The following TTC28 variants were observed in gnomAD, a reference collection of about 807,000 sequenced individuals.
The protein encoded by TTC28 is tetratricopeptide repeat protein 28.
Under a neutral mutation model 198.0 loss-of-function variants are expected in TTC28, and 61 were observed. That is an observed-to-expected ratio of 0.31 (90% CI 0.25 to 0.38). The LOEUF (loss-of-function observed/expected upper bound fraction) is 0.38. TTC28 is among the 10% of genes least tolerant of loss of function. The pLI is 1.00. For missense variants in TTC28, 2,678 were observed against 3,164.0 expected (o/e 0.85, Z 3.69); for synonymous variants, 1,171 against 1,297.8 (o/e 0.90, Z 2.10).
intron 1 of TTC28, among the ~76,000 whole-genome samples, chr22:28,653,380 G>A (rs1316351030): frequency 2.6e-5 from 4 of 151,956 alleles, no homozygotes; most frequent in Non-Finnish European, 5.9e-5. Context: ...GTGTGAGTCC[G>A]TAGTCCCAGC....
chr22:28,631,221 CT>C (rs890047479), intron 1 of TTC28, among the ~76,000 whole-genome samples: 2 of 152,148 alleles, frequency 1.3e-5, no homozygotes, highest in African/African-American at 4.8e-5. Flanking sequence ...TTTTAATTTT[CT>C]TAAACTTATG....
chr22:28,437,594 G>GT (rs1555875782), intron 2 of TTC28, among the ~76,000 whole-genome samples: 3 of 151,482 alleles, frequency 2.0e-5, no homozygotes, highest in South Asian at 2.1e-4. Flanking sequence ...TTGGGAGTTT[G>GT]TTTTTTTGCT....
chr22:28,637,682 G>A (rs2051298315), intron 1 of TTC28, among the ~76,000 whole-genome samples: 1 of 151,906 alleles, frequency 6.6e-6, no homozygotes, highest in Non-Finnish European at 1.5e-5. Context: ...AAGTGTAAAT[G>A]GAGTAAGTTC....
At chr22:28,308,858 A>C (rs768047598) in intron 2 of TTC28, among the ~76,000 whole-genome samples, 1 of 152,200 alleles carries the variant, frequency 6.6e-6, no homozygotes, top group Non-Finnish European at 1.5e-5. Flanking sequence ...CCAACTTTAT[A>C]AGATTTACCT....
intron 8 of TTC28, 115 bp downstream of exon 8, chr22:28,105,164 T>C: frequency 1.8e-6 from 2 of 1,127,062 alleles, no homozygotes; most frequent in Non-Finnish European, 2.5e-6. Context: ...CTGAGACCCT[T>C]ACTCCACACA....
Position 27,978,633 on chromosome 22 carries a change from G to C in TTC28, c.*3588C>G, listed in dbSNP as rs1269484983. ...GCTAAAACCCAGCAAGTTTCAGTGT[G>C]GACCGTGAATTTTTAAAAAATGGAA... On this transcript the variant is annotated 3_prime_UTR_variant, in exon 23 of 23. Transcript: ENST00000397906. The C allele has an allele frequency of 2.6e-5, 4 of 152,178 alleles. No individual in the cohort carries two copies. 9.4% of individuals were successfully genotyped at this position (152,178 alleles called of 1,614,324 possible).
intron 2 of TTC28, among the ~76,000 whole-genome samples, chr22:28,426,172 A>G (rs935422015): frequency 4.0e-5 from 6 of 149,860 alleles, no homozygotes; most frequent in Admixed American, 3.4e-4. Context: ...AGATCGCAAC[A>G]CTGCACGCCA....
chr22:28,553,460 C>G (rs981640929), intron 2 of TTC28, among the ~76,000 whole-genome samples: 92 of 146,752 alleles, frequency 6.3e-4, no homozygotes, highest in Non-Finnish European at 1.0e-3. Flanking sequence ...ATGTGAGGAG[C>G]GCCTCTGCCC....
At chr22:28,263,673 T>C (rs1931482071) in intron 5 of TTC28, among the ~76,000 whole-genome samples, 1 of 152,154 alleles carries the variant, frequency 6.6e-6, no homozygotes. Context: ...TGGGGTGATA[T>C]TGATAGATCA....
chr22:28,269,465 A>G (rs961059397), intron 5 of TTC28, among the ~76,000 whole-genome samples: 23 of 152,208 alleles, frequency 1.5e-4, no homozygotes, highest in African/African-American at 5.3e-4. Context: ...ATTTAGCAAC[A>G]TTTAACAACA....
At chr22:28,085,136 A>G (rs972730284) in intron 12 of TTC28, among the ~76,000 whole-genome samples, 1 of 152,106 alleles carries the variant, frequency 6.6e-6, no homozygotes, top group African/African-American at 2.4e-5. Flanking sequence ...GCAGGCCAAC[A>G]TTCAAATTCA....
chr22:27,992,441 T>C lies in TTC28; in HGVS notation c.5553+146A>G, dbSNP rs577354182. On this transcript the variant is annotated intron_variant, in intron 19 of 22. Coordinates refer to ENST00000397906, the MANE Select transcript of TTC28 (RefSeq NM_001145418.2). ...CACTTGCCAGGCAGGGCTATTCTCT[T>C]ACTCCCGGCCCTCACCTTCTCCTTT... is the stretch of plus-strand genomic sequence containing the variant. 6.1e-6 allele frequency: 5 copies of C among 819,222 alleles called. No homozygotes were observed. The East Asian group carries it at 1.3e-4, about 22-fold the overall frequency. 50.7% of individuals were successfully genotyped at this position (819,222 alleles called of 1,614,324 possible).
chr22:28,375,737 A>C (rs191201207), intron 2 of TTC28, among the ~76,000 whole-genome samples: 16 of 152,280 alleles, frequency 1.1e-4, no homozygotes, highest in Non-Finnish European at 2.4e-4. Flanking sequence ...AAGTCAGTGG[A>C]CTGAGTAGGG....
chr22:28,487,773 C>T (rs2048330038), intron 2 of TTC28, among the ~76,000 whole-genome samples: 1 of 152,014 alleles, frequency 6.6e-6, no homozygotes. Context: ...ATCAAAATAT[C>T]CTCCCTGATT....
chr22:28,612,880 A>G (rs2050842124), intron 2 of TTC28, among the ~76,000 whole-genome samples: 1 of 152,112 alleles, frequency 6.6e-6, no homozygotes, highest in South Asian at 2.1e-4. Context: ...AGAAAAAGCA[A>G]AAAATATCTA....
At chr22:28,436,662 A>G (rs958734072) in intron 2 of TTC28, among the ~76,000 whole-genome samples, 3 of 152,234 alleles carry the variant, frequency 2.0e-5, no homozygotes, top group African/African-American at 4.8e-5. Flanking sequence ...TTTTATATGC[A>G]AGGAACTCTC....
At chr22:28,400,171 G>A (rs950127331) in intron 2 of TTC28, among the ~76,000 whole-genome samples, 1 of 152,130 alleles carries the variant, frequency 6.6e-6, no homozygotes, top group Non-Finnish European at 1.5e-5. Flanking sequence ...ACTCCTAGAT[G>A]AAATTCGGTT....
intron 2 of TTC28, among the ~76,000 whole-genome samples, chr22:28,486,987 G>A (rs908297253): frequency 2.0e-5 from 3 of 152,062 alleles, no homozygotes; most frequent in East Asian, 1.9e-4. Context: ...AGTACAGTGC[G>A]AGACCTTCTG....
intron 1 of TTC28, among the ~76,000 whole-genome samples, chr22:28,661,608 T>G (rs185667285): frequency 2.4e-4 from 36 of 151,620 alleles, no homozygotes; most frequent in East Asian, 3.9e-4. Context: ...GATAGACAGA[T>G]AGTTTTGTTT....
Sources: gnomAD v4.1 joint callset for allele counts (sites outside exome capture counted in the v4.1 genomes callset) on GRCh38, gnomAD v4.1.1 for gene constraint, MANE v1.5 for transcripts, NCBI Gene and HGNC (gene_info 2026-07-23, HGNC 2026-07-21) for gene names.